ZNF7: variants seen among roughly 807,000 people sequenced by gnomAD.
ZNF7 encodes zinc finger protein 7.
A neutral mutation model predicts 12.0 loss-of-function variants in ZNF7; 10 were observed. The observed-to-expected ratio is 0.83, with a 90% CI of 0.51 to 1.42. The LOEUF (loss-of-function observed/expected upper bound fraction) is 1.42. Among genes scored for constraint, ZNF7 ranks in the 40% most tolerant of loss-of-function variants. The pLI, the probability that ZNF7 is intolerant of heterozygous loss-of-function variation, is 0.00. For missense variants in ZNF7, 854 were observed against 837.2 expected, an observed-to-expected ratio of 1.02 and a Z score of -0.25; for synonymous variants, 334 against 295.0, an observed-to-expected ratio of 1.13 and a Z score of -1.35.
At chr8:144,847,369 G>A (rs950036501), downstream of ZNF7, 14 of 152,226 alleles carry the variant, frequency 9.2e-5, no homozygotes, top group African/African-American at 3.4e-4. Context: ...GTGACCCCAG[G>A]AGTTCGGAGA....
chr8:144,830,136 C>T lies in ZNF7; in HGVS notation c.130+532C>T, dbSNP rs1259673931. 2.6e-5 allele frequency among the ~76,000 whole-genome samples: 4 copies of T among 152,124 alleles called. No homozygotes were observed. The South Asian group carries it at 8.3e-4, about 32-fold the overall frequency. On this transcript the variant is annotated intron_variant, in intron 3 of 4. Coordinates refer to ENST00000532777, the MANE Select transcript of ZNF7 (RefSeq NM_003416.4). ...GATTGCAACTTGGTGAGGGGGGGTGCGTCTTAACTTGGGCCTTGCTGGGCC... is the reference window on the plus strand; with the variant it reads ...GATTGCAACTTGGTGAGGGGGGGTGTGTCTTAACTTGGGCCTTGCTGGGCC...
rs138392379 is a variant in ZNF7 at position 144,837,427 on chromosome 8, G to A, written c.167G>A (p.Arg56Gln). ...GTTTTCAAGCCTGAGCTGATCTCTCGGCTGGAGCAGGGAGAAGAGCCATGG... is the reference window on the plus strand; with the variant it reads ...GTTTTCAAGCCTGAGCTGATCTCTCAGCTGGAGCAGGGAGAAGAGCCATGG... ...FLVFKPELIS[R>Q]LEQGEEPWVL... The change falls in exon 4 of 5, where the codon CGG becomes CAG. Residue 56 changes from arginine (R) to glutamine (Q), a missense_variant. By Grantham distance (43) the Arg-to-Gln change is conservative (BLOSUM62 1). Transcript: ENST00000532777. 1.2e-5 allele frequency: 19 copies of A among 1,612,980 alleles called. No homozygotes were observed. Among genetic ancestry groups the A allele is most frequent in the East Asian group, 6.7e-5 (3 of 44,868 alleles).
chr8:144,829,567 AG>A lies in ZNF7; in HGVS notation c.94del (p.Val32Ter). 6.2e-7 allele frequency: 1 copy of A among 1,613,694 alleles called. No individual in the cohort carries two copies. The highest frequency in any genetic ancestry group is 8.5e-7 in the Non-Finnish European group (1 of 1,179,628). ...DPGQRALYRE[V>X]MLENHSSVAG... ...CTGGCCAGAGGGCCCTCTACAGGGA[AG>A]TGATGCTGGAGAACCACAGCAGTGT... On this transcript the variant is annotated frameshift_variant, in exon 3 of 5. Transcript: ENST00000532777. LOFTEE classifies it high-confidence loss of function.
Position 144,827,614 on chromosome 8 carries a change from G to A in ZNF7, c.-46+5G>A. The A allele has an allele frequency of 1.0e-6, 1 of 985,540 alleles. No homozygotes were observed. Among genetic ancestry groups the A allele is most frequent in the South Asian group, 4.7e-5 (1 of 21,294 alleles). The allele number at this position is 985,540 out of a possible 1,614,324, so 61.0% of individuals were successfully genotyped here. Reference sequence around the variant, plus strand: ...CTCGGGTGGTCCTCAGGGAGGGTGAGTCGGCGCGGCGGGCGCGGACTCGGG... The same window carrying A: ...CTCGGGTGGTCCTCAGGGAGGGTGAATCGGCGCGGCGGGCGCGGACTCGGG... On this transcript the variant is annotated splice_donor_5th_base_variant and intron_variant, in intron 1 of 4. Transcript: ENST00000532777.
chr8:144,844,733 A>AAAAAAAAAC (rs1563850697), downstream of ZNF7, among the ~76,000 whole-genome samples: 2 of 132,460 alleles, frequency 1.5e-5, 1 homozygote, highest in African/African-American at 5.9e-5. Context: ...AAAAAAAAAA[A>AAAAAAAAAC]AAACGAAAAT....
Position 144,842,986 on chromosome 8 carries a change from G to T in ZNF7, c.1879G>T (p.Val627Phe), listed in dbSNP as rs1489012829. 5 of 1,614,208 alleles carry T rather than the reference G, an allele frequency of 3.1e-6. No homozygotes were observed. Among genetic ancestry groups the T allele is most frequent in the Non-Finnish European group, 4.2e-6 (5 of 1,180,050 alleles). Residue 627 changes from valine to phenylalanine, a missense_variant, in exon 5 of 5, where the codon GTT (valine) becomes TTT (phenylalanine). Coordinates refer to ENST00000532777, the MANE Select transcript of ZNF7 (RefSeq NM_003416.4). ...GTCCACCTTTGTGAGCCGTAAAAAG[G>T]TTAATACTATAAAGAAACTGCATCA... ...EGSTFVSRKK[V>F]NTIKKLHQCE...
intron 3 of ZNF7, chr8:144,837,051 C>G (rs1016340850): frequency 1.5e-5 from 3 of 196,494 alleles, no homozygotes; most frequent in African/African-American, 6.9e-5. Flanking sequence ...AGGGACAGGC[C>G]CGGTTCTGCT....
At chr8:144,845,980 C>G, downstream of ZNF7, 1 of 1,536,458 alleles carries the variant, frequency 6.5e-7, no homozygotes, top group Non-Finnish European at 8.7e-7. Flanking sequence ...CTACTTCAGG[C>G]TTTCTGGGCC....
chr8:144,828,879 C>G, intron 1 of ZNF7, 164 bp from the exon 2 acceptor site: 1 of 791,912 alleles, frequency 1.3e-6, no homozygotes, highest in Non-Finnish European at 2.0e-6. Context: ...GTTCAGTGGG[C>G]CTCCTTCACT....
chr8:144,839,523 A>G (rs2130664643), intron 4 of ZNF7, among the ~76,000 whole-genome samples: 1 of 152,372 alleles, frequency 6.6e-6, no homozygotes, highest in Non-Finnish European at 1.5e-5. Context: ...AGCCAGCTAC[A>G]GTTGGCAGAA....
chr8:144,843,391 C>T lies in ZNF7; in HGVS notation c.*223C>T, dbSNP rs148358165. ...CATCACGAGGTCAGGAGGTTGAGAC[C>T]ATCCTGGGTAACAGGTGAAACCCCA... On this transcript the variant is annotated 3_prime_UTR_variant, in exon 5 of 5. Coordinates refer to ENST00000532777, the MANE Select transcript of ZNF7 (RefSeq NM_003416.4). The T allele has an allele frequency of 4.7e-3, 2,193 of 462,632 alleles. 36 individuals carry two copies. The highest frequency in any genetic ancestry group is 0.036 in the African/African-American group (1,806 of 49,660). 28.7% of individuals were successfully genotyped at this position (462,632 alleles called of 1,614,324 possible).
In ZNF7 at chr8:144,829,058, C is replaced by A; in HGVS notation, c.-30C>A. On this transcript the variant is annotated 5_prime_UTR_variant, in exon 2 of 5. Transcript: ENST00000532777. Reference sequence around the variant, plus strand: ...TTGCCAACAGGTCTCTCGGCCAGAACACGTGGATGCCCACCCACCACTGAG... The same window carrying A: ...TTGCCAACAGGTCTCTCGGCCAGAAAACGTGGATGCCCACCCACCACTGAG... 6.2e-7 allele frequency: 1 copy of A among 1,614,018 alleles called. No individual in the cohort carries two copies. The highest frequency in any genetic ancestry group is 8.5e-7 in the Non-Finnish European group (1 of 1,179,922).
downstream of ZNF7, chr8:144,845,918 TA>T: frequency 6.7e-7 from 1 of 1,495,940 alleles, no homozygotes; most frequent in Non-Finnish European, 8.9e-7. Context: ...GTAATGTGCT[TA>T]GCCAGGTGGT....
At position 144,841,920 on chromosome 8, in the gene ZNF7, C is replaced by A; in HGVS notation, c.813C>A (p.Ile271=). The A allele has an allele frequency of 6.2e-7, 1 of 1,614,034 alleles. No homozygotes were observed. Among genetic ancestry groups the A allele is most frequent in the East Asian group, 2.2e-5 (1 of 44,868 alleles). The part of the protein sequence containing the change: ...LCSQLNQHQR[I]HTGEKPFKCT... ...CGCAGCTTAATCAGCATCAGAGAAT[C>A]CACACGGGAGAGAAACCCTTTAAAT... is the stretch of plus-strand genomic sequence containing the variant. The change falls in exon 5 of 5, where the codon ATC becomes ATA. Residue 271 remains isoleucine, a synonymous_variant. Transcript: ENST00000532777.
chr8:144,837,568 T>G, intron 4 of ZNF7, 61 bp downstream of exon 4: 1 of 1,334,790 alleles, frequency 7.5e-7, no homozygotes, highest in Non-Finnish European at 1.1e-6. Flanking sequence ...AGGAGGGGCC[T>G]CACAACTGTG....
intron 3 of ZNF7, chr8:144,834,779 T>C (rs1049093487): frequency 2.0e-5 from 3 of 150,984 alleles, no homozygotes; most frequent in Non-Finnish European, 3.0e-5. Flanking sequence ...CTCGCTCTGT[T>C]GCGCAGGCTG....
chr8:144,844,096 T>G (rs972706894), downstream of ZNF7, among the ~76,000 whole-genome samples: 3 of 152,192 alleles, frequency 2.0e-5, no homozygotes, highest in Non-Finnish European at 4.4e-5. Flanking sequence ...GAGGTCACAC[T>G]TGTGTCCCAG....
downstream of ZNF7, among the ~76,000 whole-genome samples, chr8:144,845,365 G>C (rs114666419): frequency 9.3e-3 from 1,411 of 152,094 alleles, 25 homozygotes; most frequent in African/African-American, 0.033. Flanking sequence ...TGGGAGCTGG[G>C]GGGCCATTAC....
At chr8:144,839,250 G>C (rs1829531297) in intron 4 of ZNF7, among the ~76,000 whole-genome samples, 1 of 152,200 alleles carries the variant, frequency 6.6e-6, no homozygotes, top group African/African-American at 2.4e-5. Flanking sequence ...CCCCTAGGCA[G>C]CTTCAAAGGA....
Sources: gnomAD v4.1 joint callset for allele counts (sites outside exome capture counted in the v4.1 genomes callset) on GRCh38, gnomAD v4.1.1 for gene constraint, MANE v1.5 for transcripts, NCBI Gene and HGNC (gene_info 2026-07-23, HGNC 2026-07-21) for gene names.